CA10: variants seen among roughly 807,000 people sequenced by gnomAD.
CA10 encodes the protein carbonic anhydrase 10 (inactive).
Under a neutral mutation model 44.2 loss-of-function variants are expected in CA10, and 14 were observed. The observed-to-expected ratio is 0.32, with a 90% CI of 0.21 to 0.50. The LOEUF (loss-of-function observed/expected upper bound fraction) is 0.50. Among genes scored for constraint, CA10 ranks in the 20% least tolerant of loss-of-function variants. The probability of loss-of-function intolerance (pLI) is 0.99; values close to 1 mark genes in which losing one functional copy is unlikely to be tolerated. For synonymous variants in CA10, 159 were observed against 141.6 expected, an observed-to-expected ratio of 1.12 and a Z score of -0.87; for missense variants, 350 against 409.7, an observed-to-expected ratio of 0.85 and a Z score of 1.26.
chr17:51,788,128 C>G (rs1201055796), intron 3 of CA10, among the ~76,000 whole-genome samples: 2 of 152,054 alleles, frequency 1.3e-5, no homozygotes, highest in African/African-American at 4.8e-5. Context: ...CCTTTTGCTG[C>G]TTTTGGGTAT....
At chr17:52,089,705 T>C (rs1988209986) in intron 1 of CA10, among the ~76,000 whole-genome samples, 1 of 152,092 alleles carries the variant, frequency 6.6e-6, no homozygotes. Flanking sequence ...ACAGTGATAA[T>C]ATGAAATGTA....
rs562917497 is a variant in CA10 at position 51,855,146 on chromosome 17, T to TA, written c.279+75843dup. On this transcript the variant is annotated intron_variant, in intron 3 of 8. Coordinates refer to ENST00000451037, the MANE Select transcript of CA10 (RefSeq NM_020178.5). ...TTCTGCTTTGTTACACTGGCAAAAT[T>TA]ACTTTACTTTGGTTTTCTTATCTAT... Among the ~76,000 whole-genome samples, 133 of 152,286 alleles carry TA rather than the reference T, an allele frequency of 8.7e-4. 1 individual carries two copies. Among genetic ancestry groups the TA allele is most frequent in the Non-Finnish European group, 2.6e-4 (18 of 68,030 alleles).
At chr17:51,990,380 T>C (rs998527054) in intron 2 of CA10, among the ~76,000 whole-genome samples, 4 of 152,028 alleles carry the variant, frequency 2.6e-5, no homozygotes, top group Admixed American at 1.3e-4. Flanking sequence ...AAAACATTTA[T>C]GAAATTCTAT....
At chr17:51,811,332 C>T (rs1267411263) in intron 3 of CA10, among the ~76,000 whole-genome samples, 3 of 152,086 alleles carry the variant, frequency 2.0e-5, no homozygotes, top group Non-Finnish European at 4.4e-5. Flanking sequence ...GGTACATGTG[C>T]ACAACGTGCA....
chr17:52,091,778 G>A (rs1988273149), intron 1 of CA10, among the ~76,000 whole-genome samples: 1 of 152,124 alleles, frequency 6.6e-6, no homozygotes, highest in African/African-American at 2.4e-5. Flanking sequence ...GCAGGAAATG[G>A]CAAACACTTT....
intron 4 of CA10, among the ~76,000 whole-genome samples, chr17:51,705,989 G>A (rs1349913910): frequency 1.3e-5 from 2 of 152,204 alleles, no homozygotes; most frequent in Admixed American, 1.3e-4. Flanking sequence ...TGGTTAAAAA[G>A]CATTTTGAGT....
At chr17:52,076,159 C>T (rs908793677) in intron 1 of CA10, among the ~76,000 whole-genome samples, 2 of 152,128 alleles carry the variant, frequency 1.3e-5, no homozygotes, top group Admixed American at 1.3e-4. Context: ...GCATATCTTC[C>T]ACACTCCCCT....
At chr17:51,924,197 C>G (rs1982336259) in intron 3 of CA10, among the ~76,000 whole-genome samples, 1 of 152,158 alleles carries the variant, frequency 6.6e-6, no homozygotes, top group African/African-American at 2.4e-5. Flanking sequence ...GGGGTTCGGA[C>G]TCCTTAGGCA....
At chr17:51,667,991 G>T (rs1914268844) in intron 4 of CA10, among the ~76,000 whole-genome samples, 1 of 152,154 alleles carries the variant, frequency 6.6e-6, no homozygotes, top group Non-Finnish European at 1.5e-5. Context: ...ATCTCTCTGG[G>T]GCAGATTCCA....
At chr17:52,096,938 A>G (rs921249545) in intron 1 of CA10, among the ~76,000 whole-genome samples, 1 of 152,144 alleles carries the variant, frequency 6.6e-6, no homozygotes, top group East Asian at 1.9e-4. Context: ...TTTAACTGCA[A>G]TGATACAATT....
chr17:52,126,223 C>T (rs1989116275), intron 1 of CA10, among the ~76,000 whole-genome samples: 1 of 152,072 alleles, frequency 6.6e-6, no homozygotes, highest in South Asian at 2.1e-4. Context: ...TAAAATGGTG[C>T]TAATAATATC....
chr17:51,797,563 A>C (rs533011273), intron 3 of CA10, among the ~76,000 whole-genome samples: 15 of 152,254 alleles, frequency 9.9e-5, no homozygotes, highest in African/African-American at 3.6e-4. Context: ...TCCCTTAAAA[A>C]GAAAGGAAGA....
intron 2 of CA10, among the ~76,000 whole-genome samples, chr17:51,972,841 A>G (rs1984331489): frequency 6.6e-6 from 1 of 152,170 alleles, no homozygotes; most frequent in Admixed American, 6.6e-5. Flanking sequence ...GTGTCAAAAC[A>G]TGAAGGCCAG....
At chr17:51,672,048 G>A (rs1914448521) in intron 4 of CA10, among the ~76,000 whole-genome samples, 1 of 152,148 alleles carries the variant, frequency 6.6e-6, no homozygotes, top group African/African-American at 2.4e-5. Flanking sequence ...CATCTTTAGG[G>A]TAGAGATAAT....
intron 3 of CA10, among the ~76,000 whole-genome samples, chr17:51,826,487 A>G (rs943946770): frequency 6.6e-6 from 1 of 152,216 alleles, no homozygotes; most frequent in Non-Finnish European, 1.5e-5. Flanking sequence ...TTCATAAGCT[A>G]TGAAGCAATG....
intron 3 of CA10, among the ~76,000 whole-genome samples, chr17:51,887,843 CAA>C (rs59075793): frequency 6.0e-5 from 5 of 83,658 alleles, no homozygotes; most frequent in Non-Finnish European, 8.3e-5. Context: ...ACTAAAAATA[CAA>C]AAAAAAAAAG....
At chr17:51,863,174 T>C (rs1247725340) in intron 3 of CA10, among the ~76,000 whole-genome samples, 2 of 152,170 alleles carry the variant, frequency 1.3e-5, no homozygotes, top group Non-Finnish European at 2.9e-5. Flanking sequence ...ATGTTTCACA[T>C]AAAAAATAGT....
intron 4 of CA10, among the ~76,000 whole-genome samples, chr17:51,744,432 G>T (rs1904590151): frequency 2.0e-5 from 3 of 152,020 alleles, no homozygotes; most frequent in African/African-American, 7.3e-5. Flanking sequence ...ACCAAATTCT[G>T]TTCAGTGCTT....
At chr17:51,689,632 T>C (rs1395097345) in intron 4 of CA10, among the ~76,000 whole-genome samples, 1 of 152,238 alleles carries the variant, frequency 6.6e-6, no homozygotes, top group Non-Finnish European at 1.5e-5. Context: ...TTATGTGGCC[T>C]GCTGATTGCC....
Sources: allele counts gnomAD v4.1 joint callset (sites outside exome capture counted in the v4.1 genomes callset), GRCh38; gene constraint gnomAD v4.1.1; transcripts MANE v1.5; gene names NCBI Gene and HGNC (gene_info 2026-07-23, HGNC 2026-07-21).